Variants in TYMS observed in about 807,000 individuals in gnomAD.
TYMS encodes thymidylate synthetase.
In TYMS, 21 loss-of-function variants were observed where a neutral mutation model predicts 39.3. The ratio of observed to expected loss-of-function variants is 0.54; its 90% CI spans 0.38 to 0.77. TYMS has a LOEUF of 0.77. Among genes scored for constraint, TYMS ranks in the 30% least tolerant of loss-of-function variants. TYMS has a pLI of 0.00. For synonymous variants in TYMS, 171 were observed against 162.2 expected (o/e 1.05, Z -0.41); for missense variants, 273 against 406.7 (o/e 0.67, Z 2.83).
intron 1 of TYMS, 137 bp from the exon 2 acceptor site, chr18:659,504 C>G: frequency 1.4e-6 from 1 of 722,154 alleles, no homozygotes; most frequent in Non-Finnish European, 2.4e-6. Flanking sequence ...ACCGTGATCT[C>G]TGGCCCACTT....
At chr18:661,235 G>A (rs907721819) in intron 2 of TYMS, among the ~76,000 whole-genome samples, 2 of 152,144 alleles carry the variant, frequency 1.3e-5, no homozygotes, top group African/African-American at 2.4e-5. Flanking sequence ...TAGAAAGGGA[G>A]GAAGCAAGAT....
At chr18:664,420 G>A (rs1256808284) in intron 3 of TYMS, among the ~76,000 whole-genome samples, 1 of 146,078 alleles carries the variant, frequency 6.8e-6, no homozygotes, top group Admixed American at 6.8e-5. Context: ...ATTTTGGGCT[G>A]AGACAATGGG....
At chr18:666,511 A>G (rs1442957208) in intron 3 of TYMS, among the ~76,000 whole-genome samples, 2 of 152,102 alleles carry the variant, frequency 1.3e-5, no homozygotes, top group African/African-American at 4.8e-5. Context: ...ACCTGTCCCT[A>G]GGAAAAGCAG....
intron 3 of TYMS, among the ~76,000 whole-genome samples, chr18:662,804 G>A (rs1359204429): frequency 1.3e-5 from 2 of 150,618 alleles, no homozygotes; most frequent in East Asian, 2.0e-4. Context: ...TGAGAATGAT[G>A]ATTTCCAATT....
intron 3 of TYMS, among the ~76,000 whole-genome samples, chr18:664,046 C>G (rs1488299613): frequency 1.4e-4 from 18 of 131,618 alleles, no homozygotes; most frequent in African/African-American, 5.5e-4. Flanking sequence ...TTTTCCAATT[C>G]TGTGAAGAAA....
At chr18:672,747 C>T in intron 6 of TYMS, 113 bp from the exon 7 acceptor site, 1 of 1,244,024 alleles carries the variant, frequency 8.0e-7, no homozygotes, top group Non-Finnish European at 1.1e-6. Flanking sequence ...GATCATACTC[C>T]TGTAAAATAG....
At position 660,866 on chromosome 18, in the gene TYMS, T is replaced by C. The variant is rs1259362209; in HGVS notation, c.279+1152T>C. Among the ~76,000 whole-genome samples the C allele has an allele frequency of 1.3e-5, 2 of 152,200 alleles. No homozygotes were observed. Among genetic ancestry groups the C allele is most frequent in the East Asian group, 3.9e-4 (2 of 5,188 alleles). On this transcript the variant is annotated intron_variant, in intron 2 of 6. Transcript: ENST00000323274. This position sits in a 1 kb window ranked among gnomAD's most constrained non-coding sequence, Gnocchi z 4.6. ...TATAGAGCACTTGGTATGGCTTGTA[T>C]GGTCTTGGGGCAAGCCAGACCCAAG...
intron 4 of TYMS, 73 bp downstream of exon 4, chr18:669,246 G>A (rs2074930883): frequency 7.7e-7 from 1 of 1,307,132 alleles, no homozygotes; most frequent in South Asian, 1.3e-5. Context: ...TTTGTGCAGA[G>A]GCACCTGAGG....
chr18:660,986 CT>C lies in TYMS; in HGVS notation c.280-1159del, dbSNP rs1336191671. On this transcript the variant is annotated intron_variant, in intron 2 of 6. Transcript: ENST00000323274. This position sits in a 1 kb window ranked among gnomAD's most constrained non-coding sequence, Gnocchi z 4.6. Reference sequence around the variant, plus strand: ...TTGGGGTATTTTGTTCTGTATTGGCCTATCTTGACTAACAATGAACCTTGGA... The same window carrying C: ...TTGGGGTATTTTGTTCTGTATTGGCCATCTTGACTAACAATGAACCTTGGA... 6.6e-6 allele frequency among the ~76,000 whole-genome samples: 1 copy of C among 152,156 alleles called. No homozygotes were observed. The highest frequency in any genetic ancestry group is 1.5e-5 in the Non-Finnish European group (1 of 68,036).
intron 3 of TYMS, among the ~76,000 whole-genome samples, chr18:664,976 TC>T (rs1425882788): frequency 1.3e-5 from 2 of 150,526 alleles, no homozygotes; most frequent in Non-Finnish European, 2.9e-5. Flanking sequence ...GGTCTAAAAT[TC>T]TCTTTTTTGG....
At chr18:659,995 G>A (rs576786384) in intron 2 of TYMS, among the ~76,000 whole-genome samples, 2 of 152,174 alleles carry the variant, frequency 1.3e-5, no homozygotes, top group Non-Finnish European at 2.9e-5. Context: ...AATTGCTCAC[G>A]AGGCGGAGGT....
chr18:658,207 A>C lies in TYMS; in HGVS notation c.205+260A>C. 1 of 1,525,362 alleles carries C rather than the reference A, an allele frequency of 6.6e-7. No individual in the cohort carries two copies. 94.5% of individuals were successfully genotyped at this position (1,525,362 alleles called of 1,614,324 possible). A position where few individuals can be genotyped will look rare whatever the true frequency, so the allele number is the denominator to read the frequency against. ...CCAGCGGCTCCGCGGCCGGGCTCGC[A>C]GTCGCCCCAGTGATGCCGTGGCCCC... On this transcript the variant is annotated intron_variant, in intron 1 of 6. Coordinates refer to ENST00000323274, the MANE Select transcript of TYMS (RefSeq NM_001071.4). The surrounding 1 kb of genome is among the most constrained non-coding windows in gnomAD (Gnocchi z 4.5).
intron 3 of TYMS, among the ~76,000 whole-genome samples, chr18:664,914 G>C (rs2074794025): frequency 7.0e-6 from 1 of 142,540 alleles, no homozygotes; most frequent in Non-Finnish European, 1.5e-5. Context: ...GCTGGATTCG[G>C]TTTGCCAGTA....
Position 658,109 on chromosome 18 carries a change from G to A in TYMS, c.205+162G>A, listed in dbSNP as rs151221029. 4 of 1,587,684 alleles carry A rather than the reference G, an allele frequency of 2.5e-6. No individual in the cohort carries two copies. The East Asian group carries it at 6.9e-5, about 27-fold the overall frequency. Reference sequence around the variant, plus strand: ...CTCCTCGCCTTACAGACGCCGAAACGGAGGGTCCCATTAGGGACGTGACTG... The same window carrying A: ...CTCCTCGCCTTACAGACGCCGAAACAGAGGGTCCCATTAGGGACGTGACTG... On this transcript the variant is annotated intron_variant, in intron 1 of 6. Coordinates refer to ENST00000323274, the MANE Select transcript of TYMS (RefSeq NM_001071.4). The surrounding 1 kb of genome is among the most constrained non-coding windows in gnomAD (Gnocchi z 4.5).
In TYMS at chr18:659,723, G is replaced by A; in HGVS notation, c.279+9G>A. ...TGCTGTGGTTTATCAAGGTAAAGAAGTCGCTGCTATTAGAAGTCAGTAGTC... is the reference window on the plus strand; with the variant it reads ...TGCTGTGGTTTATCAAGGTAAAGAAATCGCTGCTATTAGAAGTCAGTAGTC... On this transcript the variant is annotated intron_variant, in intron 2 of 6. Transcript: ENST00000323274. 6.2e-7 allele frequency: 1 copy of A among 1,611,198 alleles called. No homozygotes were observed. The highest frequency in any genetic ancestry group is 2.2e-5 in the East Asian group (1 of 44,878).
intron 3 of TYMS, among the ~76,000 whole-genome samples, chr18:667,185 TGATGGA>T (rs1207439822): frequency 1.8e-4 from 11 of 62,582 alleles, no homozygotes; most frequent in Admixed American, 4.1e-4. Flanking sequence ...ATGGTGATGG[TGATGGA>T]GATGGTGATG....
At chr18:659,833 T>G in intron 2 of TYMS, 119 bp downstream of exon 2, 1 of 860,726 alleles carries the variant, frequency 1.2e-6, no homozygotes, top group Non-Finnish European at 1.9e-6. Flanking sequence ...CCCACCACTT[T>G]GGGAGGCTGA....
At chr18:668,841 G>T (rs963253217) in intron 3 of TYMS, among the ~76,000 whole-genome samples, 1 of 152,144 alleles carries the variant, frequency 6.6e-6, no homozygotes, top group Non-Finnish European at 1.5e-5. Context: ...GGACTGTGTA[G>T]AAGAGGAAAA....
chr18:669,579 T>A (rs1350076738), intron 4 of TYMS: 3 of 172,970 alleles, frequency 1.7e-5, no homozygotes, highest in Non-Finnish European at 3.7e-5. Context: ...ACCATGTTGG[T>A]CAGGCTGGTC....
Sources: gnomAD v4.1 joint callset for allele counts (sites outside exome capture counted in the v4.1 genomes callset) on GRCh38, gnomAD v4.1.1 for gene constraint, Gnocchi (gnomAD v3.1) non-coding constraint, MANE v1.5 for transcripts, NCBI Gene and HGNC (gene_info 2026-07-23, HGNC 2026-07-21) for gene names.